The following PLCE1 variants were observed in gnomAD, a reference collection of about 807,000 sequenced individuals.
The protein encoded by PLCE1 is phospholipase C epsilon 1.
A neutral mutation model predicts 242.8 loss-of-function variants in PLCE1; 119 were observed. The ratio of observed to expected loss-of-function variants is 0.49; its 90% CI spans 0.42 to 0.57. PLCE1 has a LOEUF of 0.57. Ranked by LOEUF, PLCE1 falls within the 20% of genes least tolerant of loss-of-function variation. The probability of loss-of-function intolerance (pLI) is 0.00; values close to 1 mark genes in which losing one functional copy is unlikely to be tolerated. For missense variants in PLCE1, 2,441 were observed against 2,788.8 expected (o/e 0.88, Z 2.81); for synonymous variants, 945 against 1,017.4 (o/e 0.93, Z 1.35).
intron 4 of PLCE1, among the ~76,000 whole-genome samples, chr10:94,223,435 G>A (rs1433524772): frequency 2.0e-5 from 3 of 152,090 alleles, no homozygotes; most frequent in African/African-American, 7.2e-5. Context: ...GAGGACACAA[G>A]CAAGACATGG....
chr10:94,265,759 C>T lies in PLCE1; in HGVS notation c.4116-34C>T, dbSNP rs41291132. The T allele has an allele frequency of 1.3e-3, 2,073 of 1,613,342 alleles. 7 individuals are homozygous for T. Among genetic ancestry groups the T allele is most frequent in the Middle Eastern group, 0.01 (61 of 6,062 alleles). ...ATCTTTTAAGAGTAGATGCATTTTT[C>T]CCATGCAGTCTTAAGAAAATTTGTT... On this transcript the variant is annotated intron_variant, in intron 15 of 32. Coordinates refer to ENST00000371380, the MANE Select transcript of PLCE1 (RefSeq NM_016341.4).
intron 2 of PLCE1, among the ~76,000 whole-genome samples, chr10:94,101,277 A>T (rs975533161): frequency 6.6e-6 from 1 of 152,170 alleles, no homozygotes; most frequent in African/African-American, 2.4e-5. Context: ...GACTTAATGA[A>T]GTCCTTTCAG....
chr10:94,296,609 A>T (rs1048035875), intron 23 of PLCE1, among the ~76,000 whole-genome samples: 15 of 152,180 alleles, frequency 9.9e-5, no homozygotes, highest in Non-Finnish European at 1.9e-4. Flanking sequence ...CTTACTCTCA[A>T]TTAGGCTTTG....
intron 8 of PLCE1, among the ~76,000 whole-genome samples, chr10:94,248,449 A>G (rs2050763869): frequency 6.6e-6 from 1 of 152,136 alleles, no homozygotes; most frequent in African/African-American, 2.4e-5. Context: ...AAAAATACAA[A>G]AAATTAGTCA....
intron 2 of PLCE1, among the ~76,000 whole-genome samples, chr10:94,080,324 T>C (rs1405278132): frequency 2.0e-5 from 3 of 152,156 alleles, no homozygotes; most frequent in Middle Eastern, 3.2e-3. Flanking sequence ...TACCAGCCTC[T>C]TTTTACCTGG....
intron 4 of PLCE1, among the ~76,000 whole-genome samples, chr10:94,182,458 T>TG (rs1366679118): frequency 1.9e-4 from 29 of 150,208 alleles, no homozygotes; most frequent in African/African-American, 7.1e-4. Flanking sequence ...TTAGTAGAGA[T>TG]GGGGTTTCAC....
intron 1 of PLCE1, among the ~76,000 whole-genome samples, chr10:94,009,919 T>C (rs1564622225): frequency 6.6e-6 from 1 of 152,236 alleles, no homozygotes; most frequent in Non-Finnish European, 1.5e-5. Context: ...TCTACCATTC[T>C]GGGGTCTGGA....
At chr10:94,292,666 A>G (rs1342990796) in intron 22 of PLCE1, among the ~76,000 whole-genome samples, 1 of 152,172 alleles carries the variant, frequency 6.6e-6, no homozygotes, top group East Asian at 1.9e-4. Context: ...ACACTACTCT[A>G]TCCTGTCTCC....
chr10:94,004,391 T>G (rs1380137394), intron 1 of PLCE1, among the ~76,000 whole-genome samples: 1 of 152,090 alleles, frequency 6.6e-6, no homozygotes, highest in Non-Finnish European at 1.5e-5. Flanking sequence ...AGTTTTAGTT[T>G]AGGTGAAAGC....
chr10:94,204,747 G>GAA (rs2049095360), intron 4 of PLCE1, among the ~76,000 whole-genome samples: 2 of 132,328 alleles, frequency 1.5e-5, no homozygotes, highest in African/African-American at 6.0e-5. Flanking sequence ...AAGAAGGGAG[G>GAA]GAGGAAGGAA....
At chr10:94,158,728 T>C (rs2047508720) in intron 3 of PLCE1, among the ~76,000 whole-genome samples, 1 of 152,088 alleles carries the variant, frequency 6.6e-6, no homozygotes, top group Non-Finnish European at 1.5e-5. Context: ...AAAAAATGTG[T>C]TCTCTGATCC....
chr10:94,015,247 T>C (rs1396881485), intron 1 of PLCE1, among the ~76,000 whole-genome samples: 1 of 152,156 alleles, frequency 6.6e-6, no homozygotes, highest in African/African-American at 2.4e-5. Context: ...TGAGGAGTTA[T>C]GGGTAAAATG....
chr10:94,173,790 A>G lies in PLCE1; in HGVS notation c.1809+2294A>G, dbSNP rs374939267. ...ACAAGATTTCTGGGAAAACACTTAA[A>G]CTACTTAAGAGAACAGTCTGTTTCA... On this transcript the variant is annotated intron_variant, in intron 4 of 32. Coordinates refer to ENST00000371380, the MANE Select transcript of PLCE1 (RefSeq NM_016341.4). Among the ~76,000 whole-genome samples the G allele has an allele frequency of 7.2e-5, 11 of 152,330 alleles. No individual in the cohort carries two copies. The East Asian group carries it at 1.7e-3, about 24-fold the overall frequency.
rs375022429 is a variant in PLCE1 at position 94,227,314 on chromosome 10, C to T, written c.1818C>T (p.Ser606=). Residue 606 remains serine (S), a synonymous_variant, in exon 5 of 33, where the codon TCC becomes TCT. Transcript: ENST00000371380. ...CTCTGTGTGTTTTCCAGGTGAGCTC[C>T]TGGGTGACATGGCTGATCCTCACGG... is the stretch of plus-strand genomic sequence containing the variant. ...DLVMRFNEVS[S]WVTWLILTAG... The T allele has an allele frequency of 6.8e-6, 11 of 1,614,014 alleles. No individual in the cohort carries two copies. The highest frequency in any genetic ancestry group is 9.3e-6 in the Non-Finnish European group (11 of 1,179,990).
At chr10:94,060,919 A>G (rs1186574839) in intron 2 of PLCE1, among the ~76,000 whole-genome samples, 3 of 117,732 alleles carry the variant, frequency 2.5e-5, no homozygotes, top group African/African-American at 1.7e-4. Flanking sequence ...CTGGTCTCAA[A>G]CTCCTGGGCT....
intron 2 of PLCE1, among the ~76,000 whole-genome samples, chr10:94,092,931 T>A (rs2045136444): frequency 6.6e-6 from 1 of 152,202 alleles, no homozygotes; most frequent in Non-Finnish European, 1.5e-5. Context: ...CAATAAATTA[T>A]TTGCCTTGGT....
intron 4 of PLCE1, among the ~76,000 whole-genome samples, chr10:94,187,181 T>C (rs11187806): frequency 0.31 from 45,950 of 148,982 alleles, 8,072 homozygotes; most frequent in Non-Finnish European, 0.39. Context: ...TGTGTGTGTG[T>C]GCGTGCACAC....
At chr10:94,282,199 T>A (rs957204925) in intron 20 of PLCE1, among the ~76,000 whole-genome samples, 1 of 150,480 alleles carries the variant, frequency 6.6e-6, no homozygotes, top group Non-Finnish European at 1.5e-5. Flanking sequence ...TTGGTTTTCA[T>A]GCCCATTAAA....
chr10:94,277,060 G>A (rs1298718052), intron 19 of PLCE1, among the ~76,000 whole-genome samples: 1 of 152,142 alleles, frequency 6.6e-6, no homozygotes, highest in South Asian at 2.1e-4. Context: ...TAGAAGGCCG[G>A]AGTCATTTCC....
Sources: allele counts gnomAD v4.1 joint callset (sites outside exome capture counted in the v4.1 genomes callset), GRCh38; gene constraint gnomAD v4.1.1; transcripts MANE v1.5; gene names NCBI Gene and HGNC (gene_info 2026-07-23, HGNC 2026-07-21).